The following CEP83 variants were observed in gnomAD, a reference collection of about 807,000 sequenced individuals.
CEP83 encodes the protein centrosomal protein 83.
CEP83 carries 70 observed loss-of-function variants against 101.9 expected under a neutral mutation model. The observed-to-expected ratio is 0.69, with a 90% CI of 0.57 to 0.84. CEP83 has a LOEUF of 0.84. CEP83 is among the 40% of genes least tolerant of loss of function. CEP83 has a pLI of 0.00. For synonymous variants in CEP83, 264 were observed against 267.9 expected, an observed-to-expected ratio of 0.99 and a Z score of 0.14; for missense variants, 715 against 787.2, an observed-to-expected ratio of 0.91 and a Z score of 1.10.
Position 94,368,110 on chromosome 12 carries a change from T to A in CEP83, c.1140A>T (p.Val380=). 2 of 1,613,432 alleles carry A rather than the reference T, an allele frequency of 1.2e-6. No individual in the cohort carries two copies. Among genetic ancestry groups the A allele is most frequent in the Non-Finnish European group, 1.7e-6 (2 of 1,179,574 alleles). ...GATAACCTTCTTCTTTGGCAGCTTGTACTTTACGTATTAATTCACGATCCT... is the reference window on the plus strand; with the variant it reads ...GATAACCTTCTTCTTTGGCAGCTTGAACTTTACGTATTAATTCACGATCCT... ...VEKDRELIRK[V]QAAKEEGYQK... is the part of the protein sequence containing the mutation. The change falls in exon 10 of 17, where the codon GTA becomes GTT. Residue 380 remains valine, a synonymous_variant. Transcript: ENST00000397809.
In CEP83 at chr12:94,335,835, C is replaced by G. The variant is rs1010292746; in HGVS notation, c.1344-171G>C. On this transcript the variant is annotated intron_variant, in intron 11 of 16. Coordinates refer to ENST00000397809, the MANE Select transcript of CEP83 (RefSeq NM_016122.3). Reference sequence around the variant, plus strand: ...GTTCACGTATAACAAAAATGTAAAACAAATTACTGCTATTGTGATAGGAAA... The same window carrying G: ...GTTCACGTATAACAAAAATGTAAAAGAAATTACTGCTATTGTGATAGGAAA... The G allele has an allele frequency of 6.9e-6, 4 of 576,020 alleles. No homozygotes were observed. In the African/African-American group the frequency reaches 8.0e-5, roughly 12 times the overall value. The allele number at this position is 576,020 out of a possible 1,614,324, so 35.7% of individuals were successfully genotyped here.
intron 9 of CEP83, chr12:94,368,488 A>G (rs1047324151): frequency 4.1e-6 from 1 of 246,236 alleles, no homozygotes; most frequent in Non-Finnish European, 7.7e-6. Flanking sequence ...GAGAGTTGAG[A>G]TCAAACTGGA....
At chr12:94,416,593 T>C (rs73218261) in intron 2 of CEP83, among the ~76,000 whole-genome samples, 12,552 of 147,046 alleles carry the variant, frequency 0.085, 592 homozygotes, top group Middle Eastern at 0.14. Context: ...AAAACTGTAG[T>C]TCCACCCCCA....
intron 4 of CEP83, among the ~76,000 whole-genome samples, chr12:94,410,923 G>C (rs2063839164): frequency 6.6e-6 from 1 of 152,090 alleles, no homozygotes; most frequent in Non-Finnish European, 1.5e-5. Context: ...TCTAAGAGTT[G>C]GGTGATATGC....
intron 1 of CEP83, among the ~76,000 whole-genome samples, chr12:94,457,628 A>T (rs1315171702): frequency 1.3e-5 from 2 of 152,218 alleles, no homozygotes; most frequent in Non-Finnish European, 2.9e-5. Context: ...AGAGAACTAA[A>T]ATTAAGTCCA....
At chr12:94,330,166 A>G (rs997873185) in intron 14 of CEP83, among the ~76,000 whole-genome samples, 3 of 152,194 alleles carry the variant, frequency 2.0e-5, no homozygotes, top group African/African-American at 7.2e-5. Flanking sequence ...ACCTAGAAGC[A>G]TTTTCCTCTC....
intron 11 of CEP83, among the ~76,000 whole-genome samples, chr12:94,339,010 G>T (rs2059568546): frequency 6.6e-6 from 1 of 151,194 alleles, no homozygotes; most frequent in Non-Finnish European, 1.5e-5. Context: ...TGTTGCCCAG[G>T]CTGGAGTGCA....
chr12:94,324,811 C>T (rs2058899562), intron 14 of CEP83, among the ~76,000 whole-genome samples: 1 of 152,150 alleles, frequency 6.6e-6, no homozygotes, highest in African/African-American at 2.4e-5. Flanking sequence ...TCCTATTCTG[C>T]CCCTCTACAC....
chr12:94,408,260 A>G (rs1318728231), intron 4 of CEP83, among the ~76,000 whole-genome samples: 2 of 152,202 alleles, frequency 1.3e-5, no homozygotes, highest in African/African-American at 2.4e-5. Context: ...GCCATTTAAT[A>G]ATCTAAAATA....
chr12:94,331,842 T>G lies in CEP83; in HGVS notation c.1578-13A>C. The G allele has an allele frequency of 6.2e-7, 1 of 1,610,368 alleles. No homozygotes were observed. The highest frequency in any genetic ancestry group is 1.1e-5 in the South Asian group (1 of 90,936). ...CTCTTCCAATGTCCTGTCAGAAGAA[T>G]GTATGTAAAACATGGAAGTTAAATA... On this transcript the variant is annotated splice_polypyrimidine_tract_variant and intron_variant, in intron 13 of 16. Coordinates refer to ENST00000397809, the MANE Select transcript of CEP83 (RefSeq NM_016122.3).
chr12:94,378,359 G>A (rs968915146), intron 7 of CEP83, among the ~76,000 whole-genome samples: 9 of 152,092 alleles, frequency 5.9e-5, no homozygotes, highest in African/African-American at 2.2e-4. Context: ...AGAAGCTGTC[G>A]TAAGATACAT....
intron 11 of CEP83, among the ~76,000 whole-genome samples, chr12:94,361,864 G>C (rs559218929): frequency 9.9e-5 from 15 of 152,184 alleles, no homozygotes; most frequent in Non-Finnish European, 5.9e-5. Context: ...ACCAGGCCCA[G>C]CTAATTTTGT....
chr12:94,373,765 T>A (rs902019212), intron 8 of CEP83, among the ~76,000 whole-genome samples: 10 of 152,184 alleles, frequency 6.6e-5, no homozygotes, highest in Non-Finnish European at 1.5e-4. Flanking sequence ...CTGACAAACA[T>A]TTATGAATTT....
rs1201262756 is a variant in CEP83, at chr12:94,411,778, C to T, written c.243G>A (p.Gln81=). ...CTTCAAGCAGGAGCTGAAGTTTTTC[C>T]TGCTGAGTTTGCTTTTCATTAAACA... The part of the protein sequence containing the change: ...KHLFNEKQTQ[Q]EKLQLLLEEL... The change falls in exon 4 of 17, where the codon CAG becomes CAA. Residue 81 remains glutamine, a synonymous_variant. Transcript: ENST00000397809. 9 of 1,612,536 alleles carry T rather than the reference C, an allele frequency of 5.6e-6. No individual in the cohort carries two copies. The highest frequency in any genetic ancestry group is 1.3e-5 in the African/African-American group (1 of 74,858).
intron 1 of CEP83, among the ~76,000 whole-genome samples, chr12:94,455,916 A>G (rs1318836627): frequency 6.6e-6 from 1 of 152,004 alleles, no homozygotes; most frequent in Non-Finnish European, 1.5e-5. Flanking sequence ...GTGTGGTGGC[A>G]TGCACCTGTT....
At chr12:94,294,585 A>T in the CEP83 span, 1 of 854,196 alleles carries the variant, frequency 1.2e-6, no homozygotes, top group Non-Finnish European at 1.9e-6. Flanking sequence ...ACCCAGCTTC[A>T]TAAAGTATTG....
downstream of CEP83, among the ~76,000 whole-genome samples, chr12:94,302,887 A>G (rs1593019467): frequency 2.6e-5 from 4 of 152,262 alleles, no homozygotes; most frequent in Admixed American, 2.6e-4. Context: ...AATAATGTTT[A>G]TTGAATGAAT....
At chr12:94,387,982 G>A (rs2062256237) in intron 6 of CEP83, among the ~76,000 whole-genome samples, 1 of 152,260 alleles carries the variant, frequency 6.6e-6, no homozygotes, top group East Asian at 1.9e-4. Flanking sequence ...CACTATTGAT[G>A]GCTACGTAAA....
At chr12:94,345,215 AC>A (rs2059875569) in intron 11 of CEP83, among the ~76,000 whole-genome samples, 1 of 152,218 alleles carries the variant, frequency 6.6e-6, no homozygotes, top group Non-Finnish European at 1.5e-5. Context: ...TTAGGCAAAG[AC>A]TTCTTGAAGA....
Sources: gnomAD v4.1 joint callset for allele counts (sites outside exome capture counted in the v4.1 genomes callset) on GRCh38, gnomAD v4.1.1 for gene constraint, MANE v1.5 for transcripts, NCBI Gene and HGNC (gene_info 2026-07-23, HGNC 2026-07-21) for gene names.